The following AUTS2 variants were observed in gnomAD, a reference collection of about 807,000 sequenced individuals.
The protein encoded by AUTS2 is autism susceptibility gene 2 protein.
AUTS2 carries 17 observed loss-of-function variants against 112.4 expected under a neutral mutation model. The ratio of observed to expected loss-of-function variants is 0.15; its 90% CI spans 0.10 to 0.23. The LOEUF (loss-of-function observed/expected upper bound fraction) is 0.23, where lower values mean the gene tolerates loss of function less well. Among genes scored for constraint, AUTS2 ranks in the 10% least tolerant of loss-of-function variants. The pLI is 1.00. For synonymous variants in AUTS2, 751 were observed against 702.7 expected, an observed-to-expected ratio of 1.07 and a Z score of -1.09; for missense variants, 1,510 against 1,701.6, an observed-to-expected ratio of 0.89 and a Z score of 1.98.
At chr7:69,868,462 G>C (rs1229438295) in intron 1 of AUTS2, among the ~76,000 whole-genome samples, 1 of 152,214 alleles carries the variant, frequency 6.6e-6, no homozygotes, top group Non-Finnish European at 1.5e-5. Context: ...GATGAAGACA[G>C]TAAATTCTTG....
intron 1 of AUTS2, among the ~76,000 whole-genome samples, chr7:69,799,496 C>T (rs1789987800): frequency 6.6e-6 from 1 of 152,110 alleles, no homozygotes; most frequent in Non-Finnish European, 1.5e-5. Context: ...GTATTTTAGA[C>T]AGGCAGGGAA....
At chr7:69,902,659 C>T (rs1057427537) in intron 2 of AUTS2, among the ~76,000 whole-genome samples, 5 of 152,040 alleles carry the variant, frequency 3.3e-5, no homozygotes, top group African/African-American at 9.7e-5. Context: ...TCTGAGACTC[C>T]GTTGAAGGCA....
chr7:70,008,168 A>C (rs1799631302), intron 2 of AUTS2, among the ~76,000 whole-genome samples: 1 of 152,174 alleles, frequency 6.6e-6, no homozygotes. Context: ...ATATTTGAAG[A>C]AAATTGTATG....
At chr7:69,615,680 G>C (rs1793335035) in intron 1 of AUTS2, among the ~76,000 whole-genome samples, 1 of 152,140 alleles carries the variant, frequency 6.6e-6, no homozygotes, top group Admixed American at 6.5e-5. Context: ...TTAGTATGGT[G>C]TACCTGGGAT....
intron 2 of AUTS2, among the ~76,000 whole-genome samples, chr7:70,083,922 G>C (rs1310873564): frequency 1.3e-5 from 2 of 152,032 alleles, no homozygotes; most frequent in African/African-American, 4.8e-5. Flanking sequence ...ATTTTAGCTT[G>C]GGTGATAGAG....
At chr7:69,936,379 T>C (rs1796411452) in intron 2 of AUTS2, among the ~76,000 whole-genome samples, 1 of 152,138 alleles carries the variant, frequency 6.6e-6, no homozygotes, top group Non-Finnish European at 1.5e-5. Context: ...AGACAGAGTC[T>C]CTCTCTGTCG....
At chr7:70,083,728 C>T (rs113626599) in intron 2 of AUTS2, among the ~76,000 whole-genome samples, 2 of 152,286 alleles carry the variant, frequency 1.3e-5, no homozygotes, top group African/African-American at 2.4e-5. Flanking sequence ...AGCAGAATCA[C>T]TTGAGCCCAG....
At chr7:69,883,259 C>T (rs1341093586) in intron 1 of AUTS2, among the ~76,000 whole-genome samples, 1 of 150,388 alleles carries the variant, frequency 6.6e-6, no homozygotes, top group East Asian at 1.9e-4. Context: ...GCAGCCTCAG[C>T]TTCGGGGTGG....
intron 5 of AUTS2, among the ~76,000 whole-genome samples, chr7:70,655,417 A>G (rs1007391745): frequency 2.6e-5 from 4 of 152,246 alleles, no homozygotes; most frequent in African/African-American, 9.6e-5. Flanking sequence ...CAGAGGACCT[A>G]GGACCCTTCC....
At chr7:70,636,115 C>A (rs572643089) in intron 5 of AUTS2, among the ~76,000 whole-genome samples, 2 of 152,276 alleles carry the variant, frequency 1.3e-5, no homozygotes, top group African/African-American at 4.8e-5. Context: ...CTTAAGAGAC[C>A]AAATGACATC....
intron 2 of AUTS2, among the ~76,000 whole-genome samples, chr7:70,061,461 A>G (rs978758870): frequency 1.3e-5 from 2 of 152,214 alleles, no homozygotes; most frequent in African/African-American, 4.8e-5. Context: ...AAAGCTTCCT[A>G]TTAAAATTTT....
At chr7:70,052,931 G>T (rs1325719191) in intron 2 of AUTS2, among the ~76,000 whole-genome samples, 1 of 152,054 alleles carries the variant, frequency 6.6e-6, no homozygotes, top group African/African-American at 2.4e-5. Flanking sequence ...ACAAAAAGAT[G>T]GTCAAGAAAA....
chr7:69,863,045 C>T (rs185891881), intron 1 of AUTS2, among the ~76,000 whole-genome samples: 7 of 151,258 alleles, frequency 4.6e-5, no homozygotes, highest in Admixed American at 2.6e-4. Context: ...TCCACATTCA[C>T]CTGAGTCTTC....
intron 4 of AUTS2, among the ~76,000 whole-genome samples, chr7:70,435,027 C>A (rs1279204028): frequency 6.6e-6 from 1 of 152,154 alleles, no homozygotes; most frequent in Admixed American, 6.5e-5. Context: ...TATCCCAAAC[C>A]AAACTCAGTG....
At chr7:70,723,857 A>G (rs1167291527) in intron 6 of AUTS2, among the ~76,000 whole-genome samples, 1 of 152,010 alleles carries the variant, frequency 6.6e-6, no homozygotes, top group Non-Finnish European at 1.5e-5. Flanking sequence ...CGTTTTGTTT[A>G]TAGACCTTTG....
At chr7:70,299,640 C>G (rs1178823775) in intron 4 of AUTS2, among the ~76,000 whole-genome samples, 8 of 152,136 alleles carry the variant, frequency 5.3e-5, no homozygotes, top group Admixed American at 2.0e-4. Context: ...TGATGAGCAC[C>G]TTGCAGCCCG....
intron 4 of AUTS2, among the ~76,000 whole-genome samples, chr7:70,343,121 A>G (rs1791344759): frequency 6.6e-6 from 1 of 152,234 alleles, no homozygotes; most frequent in African/African-American, 2.4e-5. Flanking sequence ...AATTTTAATT[A>G]TAGTTGATTA....
intron 1 of AUTS2, among the ~76,000 whole-genome samples, chr7:69,671,264 G>T (rs1796308881): frequency 1.3e-5 from 2 of 152,124 alleles, no homozygotes; most frequent in African/African-American, 4.8e-5. Flanking sequence ...GACTGTCCTG[G>T]TTCCAGCACT....
At chr7:70,649,224 T>C (rs1287459797) in intron 5 of AUTS2, among the ~76,000 whole-genome samples, 1 of 150,320 alleles carries the variant, frequency 6.7e-6, no homozygotes, top group Non-Finnish European at 1.5e-5. Context: ...ACCTTTAGAT[T>C]AGAAGTTTGA....
Sources: allele counts gnomAD v4.1 joint callset (sites outside exome capture counted in the v4.1 genomes callset), GRCh38; gene constraint gnomAD v4.1.1; transcripts MANE v1.5; gene names NCBI Gene and HGNC (gene_info 2026-07-23, HGNC 2026-07-21).